TANC2: variants seen among roughly 807,000 people sequenced by gnomAD.
The protein encoded by TANC2 is protein TANC2.
In TANC2, 26 loss-of-function variants were observed where a neutral mutation model predicts 210.5. That is an observed-to-expected ratio of 0.12 (90% CI 0.09 to 0.17). The LOEUF is 0.17. Among genes scored for constraint, TANC2 ranks in the 10% least tolerant of loss-of-function variants. The pLI is 1.00. For synonymous variants in TANC2, 931 were observed against 967.1 expected (o/e 0.96, Z 0.69); for missense variants, 2,129 against 2,608.9 (o/e 0.82, Z 4.01).
chr17:63,079,746 A>T (rs928887935), intron 3 of TANC2, among the ~76,000 whole-genome samples: 5 of 152,088 alleles, frequency 3.3e-5, no homozygotes, highest in African/African-American at 1.2e-4. Context: ...TGTCTGTTGG[A>T]CTGTGCCAAT....
rs2044409942 is a variant in TANC2, at chr17:63,292,409, C to G, written c.1160-21979C>G. On this transcript the variant is annotated intron_variant, in intron 9 of 27. Transcript: ENST00000689528. ...GGGGATGGGTAAACAGTGTGAAATA[C>G]TAAAAAGTGATTAAGAAGCATAAAG... is the stretch of plus-strand genomic sequence containing the variant. Among the ~76,000 whole-genome samples, 3 of 151,974 alleles carry G rather than the reference C, an allele frequency of 2.0e-5. No homozygotes were observed. The South Asian group carries it at 6.2e-4, about 32-fold the overall frequency.
chr17:63,026,901 A>G (rs1263510192), intron 2 of TANC2, among the ~76,000 whole-genome samples: 2 of 152,154 alleles, frequency 1.3e-5, no homozygotes, highest in African/African-American at 4.8e-5. Context: ...CTACTTTCAT[A>G]GGTTGGTACT....
At chr17:63,327,186 A>C (rs1464440399) in intron 11 of TANC2, among the ~76,000 whole-genome samples, 1 of 152,268 alleles carries the variant, frequency 6.6e-6, no homozygotes, top group Non-Finnish European at 1.5e-5. Flanking sequence ...ATATCATCTC[A>C]CACCAATTAG....
At chr17:63,340,603 C>CA (rs1000628002) in intron 12 of TANC2, among the ~76,000 whole-genome samples, 3 of 152,076 alleles carry the variant, frequency 2.0e-5, no homozygotes, top group African/African-American at 7.2e-5. Context: ...GTAGAGCTTT[C>CA]AGTCCTTTCT....
intron 1 of TANC2, among the ~76,000 whole-genome samples, chr17:63,006,446 C>G (rs140156100): frequency 1.4e-3 from 218 of 152,038 alleles, no homozygotes; most frequent in African/African-American, 5.1e-3. Context: ...TATGAGTTCC[C>G]ATAAGTCATT....
intron 2 of TANC2, among the ~76,000 whole-genome samples, chr17:63,059,645 A>G (rs2035925553): frequency 1.3e-5 from 2 of 151,948 alleles, no homozygotes; most frequent in Non-Finnish European, 2.9e-5. Flanking sequence ...TTTCAAGATA[A>G]TTGGTTTCTT....
At chr17:62,989,793 A>G (rs967528638) in intron 1 of TANC2, among the ~76,000 whole-genome samples, 3 of 121,128 alleles carry the variant, frequency 2.5e-5, no homozygotes, top group African/African-American at 1.1e-4. Flanking sequence ...TTTTTTTGAG[A>G]CAGAGTTTCA....
intron 15 of TANC2, chr17:63,381,387 G>C (rs2047604452): frequency 6.6e-6 from 1 of 152,154 alleles, no homozygotes; most frequent in African/African-American, 2.4e-5. Context: ...ATGAAGACTT[G>C]GACTATGGTT....
intron 4 of TANC2, among the ~76,000 whole-genome samples, chr17:63,110,226 T>C (rs1177622338): frequency 6.6e-6 from 1 of 151,676 alleles, no homozygotes; most frequent in East Asian, 1.9e-4. Context: ...AAACTGTTAT[T>C]GGTAGTTTCA....
At chr17:63,320,006 A>T (rs980129190) in intron 11 of TANC2, among the ~76,000 whole-genome samples, 5 of 152,146 alleles carry the variant, frequency 3.3e-5, no homozygotes, top group Admixed American at 2.0e-4. Context: ...GATGATGGGA[A>T]TTATAGTTGT....
intron 14 of TANC2, among the ~76,000 whole-genome samples, chr17:63,358,375 G>GT (rs1234818130): frequency 0.044 from 3,671 of 83,898 alleles, 110 homozygotes; most frequent in African/African-American, 0.14. Context: ...GAGAGAGAGA[G>GT]AGTATGTGTG....
intron 9 of TANC2, among the ~76,000 whole-genome samples, chr17:63,296,020 G>C (rs754681901): frequency 3.9e-5 from 6 of 152,046 alleles, no homozygotes; most frequent in Non-Finnish European, 2.9e-5. Context: ...CAGTGCATCT[G>C]TCTGAATGTC....
chr17:63,382,447 T>C (rs1314499558), intron 15 of TANC2, among the ~76,000 whole-genome samples: 1 of 152,200 alleles, frequency 6.6e-6, no homozygotes, highest in Non-Finnish European at 1.5e-5. Context: ...TCAATCTATA[T>C]CATTATCAAT....
chr17:63,170,834 G>T (rs762386692), intron 5 of TANC2, among the ~76,000 whole-genome samples: 20 of 152,148 alleles, frequency 1.3e-4, no homozygotes, highest in Non-Finnish European at 2.6e-4. Flanking sequence ...TGAGCAAACT[G>T]TCTTATTTGG....
At chr17:63,318,261 C>T (rs796373736) in intron 10 of TANC2, among the ~76,000 whole-genome samples, 23 of 152,192 alleles carry the variant, frequency 1.5e-4, no homozygotes, top group African/African-American at 5.3e-4. Flanking sequence ...CCTATAATTT[C>T]TACTAGTAAC....
chr17:63,196,127 C>T (rs1003216427), intron 6 of TANC2, among the ~76,000 whole-genome samples: 1 of 152,156 alleles, frequency 6.6e-6, no homozygotes, highest in African/African-American at 2.4e-5. Context: ...ATAGCTCTTA[C>T]CATTAACTGA....
intron 3 of TANC2, among the ~76,000 whole-genome samples, chr17:63,081,409 A>G (rs1459757321): frequency 1.3e-5 from 2 of 152,332 alleles, no homozygotes; most frequent in East Asian, 3.9e-4. Context: ...ACAAATACCT[A>G]CATTCAGTTT....
chr17:63,273,336 G>T (rs544384940), intron 9 of TANC2, among the ~76,000 whole-genome samples: 79 of 152,040 alleles, frequency 5.2e-4, no homozygotes, highest in African/African-American at 1.9e-3. Context: ...GGGATAAATT[G>T]ATATTATCAT....
intron 7 of TANC2, among the ~76,000 whole-genome samples, chr17:63,235,810 A>G (rs1238587652): frequency 1.3e-5 from 2 of 152,038 alleles, no homozygotes; most frequent in African/African-American, 4.8e-5. Flanking sequence ...CTGGGATGAT[A>G]TCTTTTATTC....
Sources: gnomAD v4.1 joint callset for allele counts (sites outside exome capture counted in the v4.1 genomes callset) on GRCh38, gnomAD v4.1.1 for gene constraint, MANE v1.5 for transcripts, NCBI Gene and HGNC (gene_info 2026-07-23, HGNC 2026-07-21) for gene names.